The following ITPR1 variants were observed in gnomAD, a reference collection of about 807,000 sequenced individuals.
The protein encoded by ITPR1 is inositol 1,4,5-trisphosphate-gated calcium channel ITPR1.
In ITPR1, 96 loss-of-function variants were observed where a neutral mutation model predicts 318.4. That is an observed-to-expected ratio of 0.30 (90% CI 0.26 to 0.36). The LOEUF (loss-of-function observed/expected upper bound fraction) is 0.36. Among genes scored for constraint, ITPR1 ranks in the 10% least tolerant of loss-of-function variants. ITPR1 has a pLI of 1.00. For synonymous variants in ITPR1, 1,312 were observed against 1,289.9 expected (o/e 1.02, Z -0.37); for missense variants, 2,440 against 3,460.2 (o/e 0.71, Z 7.40).
In ITPR1 at chr3:4,834,805, A is replaced by G. The variant is rs192289668; in HGVS notation, c.8029-1969A>G. 1.2e-3 allele frequency among the ~76,000 whole-genome samples: 187 copies of G among 152,322 alleles called. 8 individuals carry two copies. In the South Asian group the frequency reaches 0.032, roughly 26 times the overall value. On this transcript the variant is annotated intron_variant, in intron 60 of 61. Coordinates refer to ENST00000649015, the MANE Select transcript of ITPR1 (RefSeq NM_001378452.1). ...TCATCTCTGAAATGGAATATTTTTT[A>G]ACGATCTTTTGCCCATTGCTCTGTG...
At chr3:4,558,924 C>T (rs2086405571) in intron 4 of ITPR1, among the ~76,000 whole-genome samples, 2 of 152,160 alleles carry the variant, frequency 1.3e-5, no homozygotes, top group Admixed American at 6.5e-5. Context: ...AGGACATCTA[C>T]TTAGATAACC....
At chr3:4,650,135 G>A (rs1575900856) in intron 10 of ITPR1, among the ~76,000 whole-genome samples, 2 of 152,262 alleles carry the variant, frequency 1.3e-5, no homozygotes, top group African/African-American at 4.8e-5. Flanking sequence ...TCATTTAATA[G>A]CATTTGGATT....
chr3:4,743,409 T>G (rs2043845908), intron 44 of ITPR1, among the ~76,000 whole-genome samples: 1 of 152,240 alleles, frequency 6.6e-6, no homozygotes, highest in Non-Finnish European at 1.5e-5. Context: ...TCTGCCCTGG[T>G]CATCCTTAGC....
At chr3:4,598,895 T>C (rs941423021) in intron 4 of ITPR1, among the ~76,000 whole-genome samples, 12 of 152,168 alleles carry the variant, frequency 7.9e-5, no homozygotes, top group Non-Finnish European at 1.5e-4. Context: ...GGTGTCCCGG[T>C]ACCTCTCACA....
At chr3:4,519,499 A>G (rs2082400476) in intron 3 of ITPR1, among the ~76,000 whole-genome samples, 1 of 152,198 alleles carries the variant, frequency 6.6e-6, no homozygotes, top group Non-Finnish European at 1.5e-5. Flanking sequence ...TGCTGGGATT[A>G]CAGGTGTGAG....
chr3:4,662,437 T>C (rs2093854740), intron 15 of ITPR1, among the ~76,000 whole-genome samples, 195 bp downstream of exon 15: 1 of 152,154 alleles, frequency 6.6e-6, no homozygotes, highest in Non-Finnish European at 1.5e-5. Context: ...TCTAAAATTA[T>C]GAAGATCAGG....
At chr3:4,547,839 A>G (rs551629517) in intron 4 of ITPR1, among the ~76,000 whole-genome samples, 1 of 152,286 alleles carries the variant, frequency 6.6e-6, no homozygotes, top group East Asian at 1.9e-4. Context: ...TGGAATATCA[A>G]ACAGGACACC....
rs146454065 is a variant in ITPR1 at position 4,759,848 on chromosome 3, A to G, written c.5545-6682A>G. ...TTGTTGTGGTTGAAGGTTGGCTGAC[A>G]GCAGCCATGCCCACTTCCCTTTCCC... On this transcript the variant is annotated intron_variant, in intron 44 of 61. Transcript: ENST00000649015. Among the ~76,000 whole-genome samples the G allele has an allele frequency of 1.5e-3, 221 of 152,328 alleles. 2 individuals are homozygous for G. The highest frequency in any genetic ancestry group is 2.5e-3 in the Non-Finnish European group (167 of 68,020).
At chr3:4,633,982 C>G (rs905896154) in intron 5 of ITPR1, among the ~76,000 whole-genome samples, 1 of 152,048 alleles carries the variant, frequency 6.6e-6, no homozygotes, top group Non-Finnish European at 1.5e-5. Context: ...TATTGTCATT[C>G]GATAATAGTT....
At chr3:4,760,101 C>T (rs749002712) in intron 44 of ITPR1, among the ~76,000 whole-genome samples, 4 of 152,264 alleles carry the variant, frequency 2.6e-5, no homozygotes, top group African/African-American at 4.8e-5. Flanking sequence ...GTCGGTTCAA[C>T]GTGCAGATGG....
Position 4,836,728 on chromosome 3 carries a change from A to G in ITPR1, c.8029-46A>G, listed in dbSNP as rs751916871. 2,297 of 1,303,942 alleles carry G rather than the reference A, an allele frequency of 1.8e-3. 5 individuals carry two copies. The highest frequency in any genetic ancestry group is 2.1e-3 in the Non-Finnish European group (2,080 of 1,013,496). The allele number at this position is 1,303,942 out of a possible 1,614,324, so 80.8% of individuals were successfully genotyped here. On this transcript the variant is annotated intron_variant, in intron 60 of 61. Transcript: ENST00000649015. ...TTTCTTGTTTTTACCTCTAGAAGTG[A>G]CTCAGTCTTTTTTTTTTTTTTTTTT...
At chr3:4,638,321 C>T (rs969199678) in intron 5 of ITPR1, among the ~76,000 whole-genome samples, 2 of 152,214 alleles carry the variant, frequency 1.3e-5, no homozygotes, top group African/African-American at 4.8e-5. Flanking sequence ...TTTCACCAGT[C>T]TATGTTTGGG....
At chr3:4,565,376 T>G (rs2087124521) in intron 4 of ITPR1, among the ~76,000 whole-genome samples, 1 of 152,220 alleles carries the variant, frequency 6.6e-6, no homozygotes, top group African/African-American at 2.4e-5. Flanking sequence ...GAGGTTAGTT[T>G]CTTATCTTCC....
At chr3:4,763,865 G>A (rs1410680156) in intron 44 of ITPR1, among the ~76,000 whole-genome samples, 4 of 152,242 alleles carry the variant, frequency 2.6e-5, no homozygotes, top group African/African-American at 7.2e-5. Context: ...TGTGTGTGTC[G>A]CGTGGCGCTG....
intron 4 of ITPR1, among the ~76,000 whole-genome samples, chr3:4,609,089 T>TATATACACACACAC (rs1171860541): frequency 3.3e-5 from 3 of 91,950 alleles, no homozygotes; most frequent in East Asian, 3.4e-4. Context: ...TATATATATA[T>TATATACACACACAC]ACACACACAC....
intron 4 of ITPR1, among the ~76,000 whole-genome samples, chr3:4,582,023 C>A (rs917716662): frequency 1.3e-4 from 20 of 151,670 alleles, no homozygotes; most frequent in Admixed American, 2.6e-4. Context: ...GGTTGTTACG[C>A]CTTTAAAAAT....
At chr3:4,833,230 AAAG>A (rs1231573273) in intron 60 of ITPR1, among the ~76,000 whole-genome samples, 2 of 152,226 alleles carry the variant, frequency 1.3e-5, no homozygotes, top group African/African-American at 4.8e-5. Flanking sequence ...ATATGGCATG[AAAG>A]AAGGTGAGGA....
chr3:4,738,138 A>C (rs1391361110), intron 44 of ITPR1, among the ~76,000 whole-genome samples: 1 of 152,184 alleles, frequency 6.6e-6, no homozygotes, highest in East Asian at 1.9e-4. Context: ...GTGGTGAAGC[A>C]ATCTATGTGA....
chr3:4,822,486 C>T (rs753748509), intron 60 of ITPR1, among the ~76,000 whole-genome samples: 2 of 152,146 alleles, frequency 1.3e-5, no homozygotes, highest in Non-Finnish European at 2.9e-5. Flanking sequence ...GCATGGTTGA[C>T]GTTAGCGTTC....
Sources: allele counts gnomAD v4.1 joint callset (sites outside exome capture counted in the v4.1 genomes callset), GRCh38; gene constraint gnomAD v4.1.1; transcripts MANE v1.5; gene names NCBI Gene and HGNC (gene_info 2026-07-23, HGNC 2026-07-21).